Variants in ZBTB34 observed in about 807,000 individuals in gnomAD.
ZBTB34 encodes the protein zinc finger and BTB domain containing 34.
ZBTB34 carries 1 observed loss-of-function variant against 33.4 expected under a neutral mutation model. The ratio of observed to expected loss-of-function variants is 0.03; its 90% confidence interval spans 0.01 to 0.14. ZBTB34 has a LOEUF of 0.14. ZBTB34 is among the 10% of genes least tolerant of loss of function. ZBTB34 has a pLI of 1.00. For missense variants in ZBTB34, 406 were observed against 657.2 expected (o/e 0.62, Z 4.18); for synonymous variants, 283 against 253.5 (o/e 1.12, Z -1.11).
chr9:126,861,292 C>T (rs532087650), intron 1 of ZBTB34, among the ~76,000 whole-genome samples: 5 of 152,146 alleles, frequency 3.3e-5, no homozygotes, highest in Non-Finnish European at 7.4e-5. Context: ...CGTGGCCACT[C>T]GCGCTCAGTT....
chr9:126,879,630 G>A lies in ZBTB34; in HGVS notation c.231G>A (p.Val77=). 1.2e-6 allele frequency: 2 copies of A among 1,613,778 alleles called. No individual in the cohort carries two copies. Among genetic ancestry groups the A allele is most frequent in the South Asian group, 1.1e-5 (1 of 91,074 alleles). ...CCATGAGTGGCTTGTCAATATCAGTGATTAAAAATCCCAATGTGTTTGAGC... is the reference window on the plus strand; with the variant it reads ...CCATGAGTGGCTTGTCAATATCAGTAATTAAAAATCCCAATGTGTTTGAGC... The change falls in exon 2 of 2, where the codon GTG becomes GTA. Residue 77 remains valine, a synonymous_variant. Transcript: ENST00000319119. This position sits in a 1 kb window ranked among gnomAD's most constrained non-coding sequence, Gnocchi z 6.4.
rs2119234744 is a variant in ZBTB34 at position 126,880,518 on chromosome 9, T to C, written c.1119T>C (p.Asn373=). ...CGAGAGGGCATTGGTACCCGTACAATGAGAGGTTGATCTGTATTTACTGTG... is the reference window on the plus strand; with the variant it reads ...CGAGAGGGCATTGGTACCCGTACAACGAGAGGTTGATCTGTATTTACTGTG... The change falls in exon 2 of 2, where the codon AAT becomes AAC. Residue 373 remains asparagine (N), a synonymous_variant. Transcript: ENST00000319119. The surrounding 1 kb of genome is among the most constrained non-coding windows in gnomAD (Gnocchi z 6.7). 6.2e-7 allele frequency: 1 copy of C among 1,613,750 alleles called. No homozygotes were observed. Among genetic ancestry groups the C allele is most frequent in the Non-Finnish European group, 8.5e-7 (1 of 1,179,836 alleles).
chr9:126,875,034 TA>T (rs1325282133), intron 1 of ZBTB34, among the ~76,000 whole-genome samples: 1 of 152,240 alleles, frequency 6.6e-6, no homozygotes, highest in African/African-American at 2.4e-5. Flanking sequence ...TGTCTATTTC[TA>T]AAATTTCTTT....
chr9:126,878,193 G>A (rs375500389), intron 1 of ZBTB34, among the ~76,000 whole-genome samples: 3 of 151,218 alleles, frequency 2.0e-5, no homozygotes, highest in Non-Finnish European at 4.4e-5. Flanking sequence ...ATAATAGGCC[G>A]GTGTGGTGAC....
At chr9:126,865,207 C>G (rs892501730) in intron 1 of ZBTB34, among the ~76,000 whole-genome samples, 3 of 152,210 alleles carry the variant, frequency 2.0e-5, no homozygotes, top group African/African-American at 7.2e-5. Flanking sequence ...GAGACGATCC[C>G]GCATCTCTGG....
At chr9:126,878,898 A>G (rs1329145418) in intron 1 of ZBTB34, among the ~76,000 whole-genome samples, 1 of 151,894 alleles carries the variant, frequency 6.6e-6, no homozygotes, top group East Asian at 1.9e-4. Flanking sequence ...TAATTTTTGT[A>G]TTTTTAGTAC....
In ZBTB34 at chr9:126,874,272, A is replaced by G. The variant is rs544373583; in HGVS notation, c.-10-5118A>G. Among the ~76,000 whole-genome samples the G allele has an allele frequency of 1.1e-4, 16 of 145,942 alleles. No individual in the cohort carries two copies. The East Asian group carries it at 2.7e-3, about 25-fold the overall frequency. On this transcript the variant is annotated intron_variant, in intron 1 of 1. Coordinates refer to ENST00000319119, the Ensembl canonical transcript of ZBTB34. ...TCACCGTGTTCGCCAGGATGGTCTC[A>G]ATCTCCTGACCTGGTGATCTGCCCG...
rs369457369 is a variant in ZBTB34 at position 126,878,402 on chromosome 9, G to A, written c.-10-988G>A. Among the ~76,000 whole-genome samples, 6 of 151,852 alleles carry A rather than the reference G, an allele frequency of 4.0e-5. No individual in the cohort carries two copies. The East Asian group carries it at 7.7e-4, about 20-fold the overall frequency. On this transcript the variant is annotated intron_variant, in intron 1 of 1. Transcript: ENST00000319119. Reference sequence around the variant, plus strand: ...TGAGAATTGCTTGAACCTAGGAGGCGGAGGTTTCAGTGAGCCGAGATCACG... The same window carrying A: ...TGAGAATTGCTTGAACCTAGGAGGCAGAGGTTTCAGTGAGCCGAGATCACG...
chr9:126,871,444 C>A (rs2119216563), intron 1 of ZBTB34, among the ~76,000 whole-genome samples: 1 of 149,536 alleles, frequency 6.7e-6, no homozygotes, highest in African/African-American at 2.5e-5. Context: ...CTCACTGCAA[C>A]CTCCCCCTCC....
rs1329900017 is a variant in ZBTB34 at position 126,867,507 on chromosome 9, TTG to T, written c.-11+6772_-11+6773del. ...GCCCATTCTCCCATAGGGGTTTTTT[TTG>T]TGTATGTCACCTAATTTGATTTGTA... On this transcript the variant is annotated intron_variant, in intron 1 of 1. Coordinates refer to ENST00000319119, the Ensembl canonical transcript of ZBTB34. Among the ~76,000 whole-genome samples, 5 of 151,684 alleles carry T rather than the reference TTG, an allele frequency of 3.3e-5. No homozygotes were observed. The East Asian group carries it at 9.7e-4, about 29-fold the overall frequency.
chr9:126,865,844 A>G (rs2033193122), intron 1 of ZBTB34, among the ~76,000 whole-genome samples: 1 of 152,048 alleles, frequency 6.6e-6, no homozygotes, highest in Non-Finnish European at 1.5e-5. Flanking sequence ...AATTAGCTGA[A>G]TGTGGTGGCA....
chr9:126,867,946 T>C (rs1028057727), intron 1 of ZBTB34, among the ~76,000 whole-genome samples: 3 of 152,178 alleles, frequency 2.0e-5, no homozygotes, highest in African/African-American at 7.2e-5. Context: ...CGGTATTTTA[T>C]GTGACCCTCT....
Position 126,880,826 on chromosome 9 carries a change from A to G in ZBTB34, c.1427A>G (p.Glu476Gly), listed in dbSNP as rs1160111975. 6.2e-7 allele frequency: 1 copy of G among 1,613,680 alleles called. No homozygotes were observed. ...CCCGAGAGAACAGATGTGTACGTGG[A>G]ACAGAAACTAGAAAATGACGCATCG... The change falls in exon 2 of 2, where the codon GAA becomes GGA. Residue 476 changes from glutamate (E) to glycine (G), a missense_variant. This residue lies in a region of ZBTB34 where 58 missense variants were observed against 58.7 expected (regional missense o/e 0.99). Transcript: ENST00000319119. The surrounding 1 kb of genome is among the most constrained non-coding windows in gnomAD (Gnocchi z 6.7).
intron 1 of ZBTB34, among the ~76,000 whole-genome samples, chr9:126,869,028 AAG>A (rs952524501): frequency 6.6e-5 from 10 of 152,126 alleles, no homozygotes; most frequent in Non-Finnish European, 1.3e-4. Context: ...TGGTCTAGAA[AAG>A]AGGGAGATTT....
chr9:126,879,678 T>C lies in ZBTB34; in HGVS notation c.279T>C (p.Thr93=), dbSNP rs775712770. 4.3e-6 allele frequency: 7 copies of C among 1,613,636 alleles called. No homozygotes were observed. The South Asian group carries it at 7.7e-5, about 18-fold the overall frequency. Residue 93 remains threonine, a synonymous_variant, in exon 2 of 2, where the codon ACT becomes ACC. Transcript: ENST00000319119. This position sits in a 1 kb window ranked among gnomAD's most constrained non-coding sequence, Gnocchi z 6.4. ...AGCAGTTGCTTTCTTTTTGTTACAC[T>C]GGAAGAATGTCCTTGCAGCTGAAGG... is the stretch of plus-strand genomic sequence containing the variant.
intron 1 of ZBTB34, among the ~76,000 whole-genome samples, chr9:126,878,124 A>G (rs2033386449): frequency 1.3e-5 from 2 of 152,172 alleles, no homozygotes; most frequent in Admixed American, 1.3e-4. Flanking sequence ...TCACGAGCTC[A>G]GGAGTTCAAG....
intron 1 of ZBTB34, among the ~76,000 whole-genome samples, chr9:126,875,138 CTG>C (rs1323613704): frequency 1.3e-5 from 2 of 152,180 alleles, no homozygotes; most frequent in East Asian, 3.8e-4. Context: ...CCGAGCCATG[CTG>C]TGTGTAAAAT....
At position 126,880,385 on chromosome 9, in the gene ZBTB34, C is replaced by T. The variant is rs1364794367; in HGVS notation, c.986C>T (p.Ala329Val). Residue 329 changes from alanine (A) to valine (V), a missense_variant, in exon 2 of 2, where the codon GCT (alanine) becomes GTT (valine). Around this residue, in one of 6 missense-constraint regions of ZBTB34, gnomAD observed 123 missense variants for 140.4 expected, o/e 0.88. Transcript: ENST00000319119. This position sits in a 1 kb window ranked among gnomAD's most constrained non-coding sequence, Gnocchi z 6.7. ...GGAGGGCGTGCCCGCCAGAAGCGGG[C>T]TTTGTCTGTCCACCTGCACAGTGAC... is the stretch of plus-strand genomic sequence containing the variant. 2 of 1,613,610 alleles carry T rather than the reference C, an allele frequency of 1.2e-6. No individual in the cohort carries two copies. Among genetic ancestry groups the T allele is most frequent in the Non-Finnish European group, 1.7e-6 (2 of 1,179,816 alleles).
intron 1 of ZBTB34, among the ~76,000 whole-genome samples, chr9:126,866,040 A>T (rs563112521): frequency 1.7e-4 from 26 of 152,262 alleles, no homozygotes; most frequent in African/African-American, 6.3e-4. Flanking sequence ...GGGCTAGGTG[A>T]GGATGTTACC....
Sources: allele counts gnomAD v4.1 joint callset (sites outside exome capture counted in the v4.1 genomes callset), GRCh38; gene constraint gnomAD v4.1.1; regional missense constraint gnomAD v4.1.1; non-coding constraint Gnocchi (gnomAD v3.1); transcripts MANE v1.5; gene names NCBI Gene and HGNC (gene_info 2026-07-23, HGNC 2026-07-21).